CNTN6: variants seen among roughly 807,000 people sequenced by gnomAD.
CNTN6 encodes the protein contactin-6.
In CNTN6, 137 loss-of-function variants were observed where a neutral mutation model predicts 122.8. The observed-to-expected ratio is 1.12, with a 90% CI of 0.97 to 1.29. The LOEUF (loss-of-function observed/expected upper bound fraction) is 1.29. CNTN6 is among the 50% of genes most tolerant of loss of function. The pLI is 0.00. For synonymous variants in CNTN6, 570 were observed against 426.0 expected, an observed-to-expected ratio of 1.34 and a Z score of -4.16; for missense variants, 1,634 against 1,223.4, an observed-to-expected ratio of 1.34 and a Z score of -5.01.
chr3:1,330,270 A>G (rs1305188563), intron 11 of CNTN6, among the ~76,000 whole-genome samples: 3 of 151,930 alleles, frequency 2.0e-5, no homozygotes. Flanking sequence ...ACATTTCACA[A>G]AGGAGAGAGA....
chr3:1,236,897 G>A (rs1235855592), intron 4 of CNTN6, among the ~76,000 whole-genome samples: 2 of 152,050 alleles, frequency 1.3e-5, no homozygotes, highest in Non-Finnish European at 2.9e-5. Flanking sequence ...TGGCTAACAT[G>A]GTGAAACCCT....
At chr3:1,154,852 C>G (rs1344881172) in intron 2 of CNTN6, among the ~76,000 whole-genome samples, 2 of 152,196 alleles carry the variant, frequency 1.3e-5, no homozygotes, top group African/African-American at 4.8e-5. Context: ...TTCTGCCTAC[C>G]TCTTTCATCT....
chr3:1,148,290 G>A (rs553548952), intron 2 of CNTN6, among the ~76,000 whole-genome samples: 2 of 151,766 alleles, frequency 1.3e-5, no homozygotes, highest in East Asian at 3.9e-4. Context: ...TTTATAAATT[G>A]GCAAATATGA....
At chr3:1,196,521 C>CT (rs1446644627) in intron 2 of CNTN6, among the ~76,000 whole-genome samples, 1 of 151,978 alleles carries the variant, frequency 6.6e-6, no homozygotes, top group African/African-American at 2.4e-5. Flanking sequence ...AAGTGACTGG[C>CT]AGAGGGAAGA....
At chr3:1,388,580 T>C (rs1693564864) in intron 20 of CNTN6, among the ~76,000 whole-genome samples, 1 of 150,282 alleles carries the variant, frequency 6.7e-6, no homozygotes, top group South Asian at 2.1e-4. Flanking sequence ...TTTGACGAGC[T>C]GAGAGAAGAA....
intron 2 of CNTN6, among the ~76,000 whole-genome samples, chr3:1,217,710 C>T (rs2125507002): frequency 6.6e-6 from 1 of 152,278 alleles, no homozygotes; most frequent in African/African-American, 2.4e-5. Context: ...AATCTGTTCT[C>T]AGATTCCTCT....
intron 1 of CNTN6, among the ~76,000 whole-genome samples, chr3:1,105,753 AACTTTTT>A (rs1331739174): frequency 6.6e-6 from 1 of 152,122 alleles, no homozygotes; most frequent in Non-Finnish European, 1.5e-5. Context: ...CAGTGTTATC[AACTTTTT>A]ACCTCCGGCA....
intron 1 of CNTN6, among the ~76,000 whole-genome samples, chr3:1,142,224 A>C (rs568541198): frequency 6.6e-6 from 1 of 152,220 alleles, no homozygotes; most frequent in East Asian, 1.9e-4. Flanking sequence ...AAAAAAAAAA[A>C]AAAACATGAT....
chr3:1,294,237 A>G (rs1204759552), intron 5 of CNTN6, among the ~76,000 whole-genome samples: 2 of 152,212 alleles, frequency 1.3e-5, no homozygotes, highest in Non-Finnish European at 2.9e-5. Context: ...AAATTATGGT[A>G]TATTCATAAA....
chr3:1,318,932 G>A (rs1306035096), intron 7 of CNTN6, among the ~76,000 whole-genome samples: 3 of 151,758 alleles, frequency 2.0e-5, no homozygotes, highest in Non-Finnish European at 4.4e-5. Flanking sequence ...TAGAAGGGAC[G>A]TGAGTCCAGC....
intron 7 of CNTN6, among the ~76,000 whole-genome samples, chr3:1,306,070 C>T (rs984225028): frequency 1.2e-4 from 19 of 152,164 alleles, no homozygotes; most frequent in African/African-American, 3.9e-4. Flanking sequence ...AGTTCCTTAG[C>T]GATTATTTTT....
chr3:1,294,026 A>G (rs1695778724), intron 5 of CNTN6, among the ~76,000 whole-genome samples: 1 of 152,198 alleles, frequency 6.6e-6, no homozygotes, highest in Non-Finnish European at 1.5e-5. Flanking sequence ...ATAAACTGAT[A>G]CAACCACTTT....
intron 2 of CNTN6, among the ~76,000 whole-genome samples, chr3:1,169,326 G>C (rs7646353): frequency 0.045 from 6,831 of 152,224 alleles, 479 homozygotes; most frequent in African/African-American, 0.15. Context: ...TCAGGTGTGG[G>C]GAAGGAGGGG....
chr3:1,346,690 T>A (rs971201597), intron 11 of CNTN6, among the ~76,000 whole-genome samples: 1 of 151,948 alleles, frequency 6.6e-6, no homozygotes, highest in Non-Finnish European at 1.5e-5. Context: ...AATTACTGAG[T>A]CTCAGGGAGT....
At chr3:1,388,559 C>G (rs7651686) in intron 20 of CNTN6, among the ~76,000 whole-genome samples, 1 of 149,364 alleles carries the variant, frequency 6.7e-6, no homozygotes, top group East Asian at 2.0e-4. Context: ...CAAAGCTGGA[C>G]GGAGAATGAC....
chr3:1,148,030 G>A lies in CNTN6; in HGVS notation c.22G>A (p.Val8Ile). 1 of 1,608,008 alleles carries A rather than the reference G, an allele frequency of 6.2e-7. No homozygotes were observed. The highest frequency in any genetic ancestry group is 8.5e-7 in the Non-Finnish European group (1 of 1,175,582). Reference protein sequence around the residue: MRLLWKLVILLPLINSSA... With the variant: MRLLWKLIILLPLINSSA... ...GGAAATGAGGTTGCTATGGAAACTG[G>A]TAATTCTGCTGCCACTCATAAACTC... Residue 8 changes from valine (V) to isoleucine (I), a missense_variant, in exon 2 of 23, where the codon GTA (valine) becomes ATA (isoleucine). Transcript: ENST00000446702.
intron 1 of CNTN6, among the ~76,000 whole-genome samples, chr3:1,105,230 T>A (rs2091161204): frequency 6.6e-6 from 1 of 152,136 alleles, no homozygotes; most frequent in African/African-American, 2.4e-5. Context: ...AATACACAGA[T>A]AACAGTATTT....
chr3:1,403,301 AT>A lies in CNTN6; in HGVS notation c.2987-12del, dbSNP rs774575231. ...CTTTATCTCAAAATATTTTTGTCTT[AT>A]TTTTATATTTTGCAGGTTTGAGTTC... is the stretch of plus-strand genomic sequence containing the variant. On this transcript the variant is annotated splice_polypyrimidine_tract_variant and intron_variant, in intron 22 of 22. Coordinates refer to ENST00000446702, the MANE Select transcript of CNTN6 (RefSeq NM_001289080.2). The A allele has an allele frequency of 7.7e-6, 12 of 1,552,500 alleles. No individual in the cohort carries two copies. The East Asian group carries it at 9.0e-5, about 12-fold the overall frequency.
intron 2 of CNTN6, among the ~76,000 whole-genome samples, chr3:1,205,355 T>C (rs1460504957): frequency 6.6e-6 from 1 of 152,192 alleles, no homozygotes; most frequent in Admixed American, 6.5e-5. Context: ...ACGGCAACAA[T>C]AGAAAAATAG....
Sources: allele counts gnomAD v4.1 joint callset (sites outside exome capture counted in the v4.1 genomes callset), GRCh38; gene constraint gnomAD v4.1.1; transcripts MANE v1.5; gene names NCBI Gene and HGNC (gene_info 2026-07-23, HGNC 2026-07-21).